The following BBLN variants were observed in gnomAD, a reference collection of about 807,000 sequenced individuals.
BBLN encodes bublin coiled-coil protein.
BBLN carries 6 observed loss-of-function variants against 7.6 expected under a neutral mutation model. The ratio of observed to expected loss-of-function variants is 0.79; its 90% CI spans 0.43 to 1.55. BBLN has a LOEUF of 1.55. Ranked by LOEUF, BBLN falls within the 40% of genes most tolerant of loss-of-function variation. The pLI, the probability that BBLN is intolerant of heterozygous loss-of-function variation, is 0.01. For missense variants in BBLN, 100 were observed against 111.1 expected (o/e 0.90, Z 0.45); for synonymous variants, 35 against 46.7 (o/e 0.75, Z 1.02).
chr9:128,160,593 G>T, intron 1 of BBLN, 107 bp downstream of exon 1: 2 of 815,266 alleles, frequency 2.5e-6, no homozygotes, highest in South Asian at 2.2e-5. Flanking sequence ...CACCCATTCC[G>T]CCCCGAGCGG....
In BBLN at chr9:128,163,376, G is replaced by A; in HGVS notation, c.80-67G>A. On this transcript the variant is annotated intron_variant, in intron 1 of 1. Coordinates refer to ENST00000372994, the MANE Select transcript of BBLN (RefSeq NM_024112.4). This position sits in a 1 kb window ranked among gnomAD's most constrained non-coding sequence, Gnocchi z 5.7. ...TTGGGAAGCAGGCTGGGAAACAGTGGAGGGAGGGTGTCCATTAGCCCCAAG... is the reference window on the plus strand; with the variant it reads ...TTGGGAAGCAGGCTGGGAAACAGTGAAGGGAGGGTGTCCATTAGCCCCAAG... 1 of 1,404,926 alleles carries A rather than the reference G, an allele frequency of 7.1e-7. No individual in the cohort carries two copies. Among genetic ancestry groups the A allele is most frequent in the South Asian group, 1.5e-5 (1 of 67,850 alleles). The allele number at this position is 1,404,926 out of a possible 1,614,324, so 87.0% of individuals were successfully genotyped here. A position where few individuals can be genotyped will look rare whatever the true frequency, so the allele number is the denominator to read the frequency against.
rs144118968 is a variant in BBLN, at chr9:128,160,576, A to G, written c.79+90A>G. On this transcript the variant is annotated intron_variant, in intron 1 of 1. Coordinates refer to ENST00000372994, the MANE Select transcript of BBLN (RefSeq NM_024112.4). ...CGAGATGGGGTCTCGGAAGGGAACAAAGAGCCCACCCATTCCGCCCCGAGC... is the reference window on the plus strand; with the variant it reads ...CGAGATGGGGTCTCGGAAGGGAACAGAGAGCCCACCCATTCCGCCCCGAGC... The G allele has an allele frequency of 5.1e-4, 454 of 893,176 alleles. 1 individual carries two copies. In the African/African-American group the frequency reaches 6.4e-3, roughly 13 times the overall value. The allele number at this position is 893,176 out of a possible 1,614,324, so 55.3% of individuals were successfully genotyped here.
intron 1 of BBLN, chr9:128,161,988 T>A (rs916663036): frequency 2.0e-5 from 3 of 152,178 alleles, no homozygotes; most frequent in Admixed American, 6.5e-5. Context: ...CCTTTTTTAT[T>A]TTCCCTTTTT....
intron 1 of BBLN, chr9:128,162,281 TAC>T (rs1409109854): frequency 6.6e-6 from 1 of 152,188 alleles, no homozygotes; most frequent in Non-Finnish European, 1.5e-5. Context: ...ATAACCCAGA[TAC>T]GCTCCTCCAG....
intron 1 of BBLN, chr9:128,162,412 G>A (rs1829265951): frequency 1.3e-5 from 2 of 152,448 alleles, no homozygotes; most frequent in Admixed American, 6.5e-5. Context: ...AGTCCTCAGG[G>A]ACACTGTGTT....
At chr9:128,160,857 C>T (rs1296788111) in intron 1 of BBLN, among the ~76,000 whole-genome samples, 2 of 152,200 alleles carry the variant, frequency 1.3e-5, no homozygotes, top group African/African-American at 4.8e-5. Flanking sequence ...GCGGGGGCGT[C>T]GCTCTGCCGA....
intron 1 of BBLN, chr9:128,162,247 T>C (rs2900262): frequency 0.9 from 136,905 of 152,324 alleles, 62,064 homozygotes; most frequent in Non-Finnish European, 0.95. Flanking sequence ...TGCCCTTTCC[T>C]AGAACACAGG....
chr9:128,163,681 A>AC lies in BBLN; in HGVS notation c.*71dup. 7.7e-7 allele frequency: 1 copy of AC among 1,302,068 alleles called. No homozygotes were observed. Among genetic ancestry groups the AC allele is most frequent in the Non-Finnish European group, 1.0e-6 (1 of 987,834 alleles). The allele number at this position is 1,302,068 out of a possible 1,614,324, so 80.7% of individuals were successfully genotyped here. On this transcript the variant is annotated 3_prime_UTR_variant, in exon 2 of 2. Transcript: ENST00000372994. The surrounding 1 kb of genome is among the most constrained non-coding windows in gnomAD (Gnocchi z 5.7). ...GGGCTAGGCTCTGGCCTGGGCACTCACCCCCTGGCTTAGACACCTTCTCAA... is the reference window on the plus strand; with the variant it reads ...GGGCTAGGCTCTGGCCTGGGCACTCACCCCCCTGGCTTAGACACCTTCTCAA...
In BBLN at chr9:128,163,088, G is replaced by GC; in HGVS notation, c.80-355_80-354insC. 1 of 177,802 alleles carries GC rather than the reference G, an allele frequency of 5.6e-6. No homozygotes were observed. The highest frequency in any genetic ancestry group is 1.2e-5 in the Non-Finnish European group (1 of 84,420). The allele number at this position is 177,802 out of a possible 1,614,324, so 11.0% of individuals were successfully genotyped here. A position where few individuals can be genotyped will look rare whatever the true frequency, so the allele number is the denominator to read the frequency against. ...AGGGCTGGCGAACAGGGCCCATCTGGGGACAGAGGCCTTGAATGCCCAACT... is the reference window on the plus strand; with the variant it reads ...AGGGCTGGCGAACAGGGCCCATCTGGCGGACAGAGGCCTTGAATGCCCAACT... On this transcript the variant is annotated intron_variant, in intron 1 of 1. Transcript: ENST00000372994. The surrounding 1 kb of genome is among the most constrained non-coding windows in gnomAD (Gnocchi z 5.7).
chr9:128,162,082 T>A (rs1266030517), intron 1 of BBLN: 2 of 152,262 alleles, frequency 1.3e-5, no homozygotes, highest in Non-Finnish European at 2.9e-5. Context: ...AATCCTGAGT[T>A]TCGGCTGTTA....
At position 128,160,330 on chromosome 9, in the gene BBLN, T is replaced by C; in HGVS notation, c.-78T>C. The C allele has an allele frequency of 1.2e-6, 1 of 851,544 alleles. No individual in the cohort carries two copies. Among genetic ancestry groups the C allele is most frequent in the Non-Finnish European group, 1.6e-6 (1 of 637,026 alleles). The allele number at this position is 851,544 out of a possible 1,614,324, so 52.7% of individuals were successfully genotyped here. On this transcript the variant is annotated 5_prime_UTR_variant, in exon 1 of 2. Transcript: ENST00000372994. ...CCGTGTTCTATCCGCCGCCTCCACC[T>C]TCCATCCGGCGCCGGCTTTCGGCGC...
Position 128,163,355 on chromosome 9 carries a change from G to A in BBLN, c.80-88G>A, listed in dbSNP as rs1199374979. On this transcript the variant is annotated intron_variant, in intron 1 of 1. Transcript: ENST00000372994. This position sits in a 1 kb window ranked among gnomAD's most constrained non-coding sequence, Gnocchi z 5.7. Reference sequence around the variant, plus strand: ...TAGGGACTTGCACAAAGCCCTTTGGGAAGCAGGCTGGGAAACAGTGGAGGG... The same window carrying A: ...TAGGGACTTGCACAAAGCCCTTTGGAAAGCAGGCTGGGAAACAGTGGAGGG... 3.1e-6 allele frequency: 4 copies of A among 1,293,760 alleles called. No individual in the cohort carries two copies. Among genetic ancestry groups the A allele is most frequent in the South Asian group, 3.2e-5 (2 of 62,378 alleles). 80.1% of individuals were successfully genotyped at this position (1,293,760 alleles called of 1,614,324 possible).
chr9:128,163,391 T>C lies in BBLN; in HGVS notation c.80-52T>C. ...GGAAACAGTGGAGGGAGGGTGTCCA[T>C]TAGCCCCAAGGAGACACAGGATCTG... On this transcript the variant is annotated intron_variant, in intron 1 of 1. Coordinates refer to ENST00000372994, the MANE Select transcript of BBLN (RefSeq NM_024112.4). This position sits in a 1 kb window ranked among gnomAD's most constrained non-coding sequence, Gnocchi z 5.7. 1 of 1,461,038 alleles carries C rather than the reference T, an allele frequency of 6.8e-7. No individual in the cohort carries two copies. The highest frequency in any genetic ancestry group is 1.4e-5 in the South Asian group (1 of 70,026). 90.5% of individuals were successfully genotyped at this position (1,461,038 alleles called of 1,614,324 possible). A position where few individuals can be genotyped will look rare whatever the true frequency, so the allele number is the denominator to read the frequency against.
rs1829280026 is a variant in BBLN, at chr9:128,163,820, G to A, written c.*205G>A. On this transcript the variant is annotated 3_prime_UTR_variant, in exon 2 of 2. Coordinates refer to ENST00000372994, the MANE Select transcript of BBLN (RefSeq NM_024112.4). The surrounding 1 kb of genome is among the most constrained non-coding windows in gnomAD (Gnocchi z 5.7). The stretch of plus-strand genomic sequence containing the variant: ...CCACCACCTGGCATGCCCTCCTGGG[G>A]CCAAGAGTGGGCCTGCAACCCACCC... The A allele has an allele frequency of 1.9e-6, 1 of 515,168 alleles. No homozygotes were observed. Among genetic ancestry groups the A allele is most frequent in the Non-Finnish European group, 3.4e-6 (1 of 294,608 alleles). The allele number at this position is 515,168 out of a possible 1,614,324, so 31.9% of individuals were successfully genotyped here. A position where few individuals can be genotyped will look rare whatever the true frequency, so the allele number is the denominator to read the frequency against.
chr9:128,161,523 G>A (rs576543434), intron 1 of BBLN, among the ~76,000 whole-genome samples: 1 of 152,324 alleles, frequency 6.6e-6, no homozygotes, highest in Non-Finnish European at 1.5e-5. Flanking sequence ...GGCCTGGAGG[G>A]GTGTGGGGCA....
Position 128,163,710 on chromosome 9 carries a change from C to A in BBLN, c.*95C>A. The stretch of plus-strand genomic sequence containing the variant: ...CCTGGCTTAGACACCTTCTCAAGGG[C>A]TGGCCTTCAGGGACCCCTGGTGGGT... On this transcript the variant is annotated 3_prime_UTR_variant, in exon 2 of 2. Coordinates refer to ENST00000372994, the MANE Select transcript of BBLN (RefSeq NM_024112.4). The surrounding 1 kb of genome is among the most constrained non-coding windows in gnomAD (Gnocchi z 5.7). 8.8e-7 allele frequency: 1 copy of A among 1,142,226 alleles called. No homozygotes were observed. The highest frequency in any genetic ancestry group is 1.2e-6 in the Non-Finnish European group (1 of 849,818). 70.8% of individuals were successfully genotyped at this position (1,142,226 alleles called of 1,614,324 possible).
chr9:128,160,514 CT>C, intron 1 of BBLN, 28 bp downstream of exon 1: 1 of 1,272,880 alleles, frequency 7.9e-7, no homozygotes. Flanking sequence ...CTGGAGCAAC[CT>C]TGCATTTTCA....
rs919677674 is a variant in BBLN, at chr9:128,163,243, A to G, written c.80-200A>G. 5.9e-5 allele frequency among the ~76,000 whole-genome samples: 9 copies of G among 152,212 alleles called. No homozygotes were observed. The highest frequency in any genetic ancestry group is 1.0e-4 in the Non-Finnish European group (7 of 68,032). On this transcript the variant is annotated intron_variant, in intron 1 of 1. Coordinates refer to ENST00000372994, the MANE Select transcript of BBLN (RefSeq NM_024112.4). The surrounding 1 kb of genome is among the most constrained non-coding windows in gnomAD (Gnocchi z 5.7). ...ACCCTAACCCTAGAAAAAAGGATGC[A>G]GTACTAAAGTGTCATTCATTCAAAG...
rs892536417 is a variant in BBLN at position 128,163,092 on chromosome 9, C to T, written c.80-351C>T. The stretch of plus-strand genomic sequence containing the variant: ...CTGGCGAACAGGGCCCATCTGGGGA[C>T]AGAGGCCTTGAATGCCCAACTCAGG... On this transcript the variant is annotated intron_variant, in intron 1 of 1. Coordinates refer to ENST00000372994, the MANE Select transcript of BBLN (RefSeq NM_024112.4). This position sits in a 1 kb window ranked among gnomAD's most constrained non-coding sequence, Gnocchi z 5.7. 5.5e-6 allele frequency: 1 copy of T among 180,440 alleles called. No homozygotes were observed. The highest frequency in any genetic ancestry group is 1.2e-5 in the Non-Finnish European group (1 of 86,224). The allele number at this position is 180,440 out of a possible 1,614,324, so 11.2% of individuals were successfully genotyped here.
Sources: allele counts gnomAD v4.1 joint callset (sites outside exome capture counted in the v4.1 genomes callset), GRCh38; gene constraint gnomAD v4.1.1; non-coding constraint Gnocchi (gnomAD v3.1); transcripts MANE v1.5; gene names NCBI Gene and HGNC (gene_info 2026-07-23, HGNC 2026-07-21).